PHKB: variants seen among roughly 807,000 people sequenced by gnomAD.
PHKB encodes phosphorylase b kinase regulatory subunit beta.
A neutral mutation model predicts 152.1 loss-of-function variants in PHKB; 122 were observed. That is an observed-to-expected ratio of 0.80 (90% CI 0.69 to 0.93). PHKB has a LOEUF of 0.93. Ranked by LOEUF, PHKB falls within the 40% of genes least tolerant of loss-of-function variation. The pLI, the probability that PHKB is intolerant of heterozygous loss-of-function variation, is 0.00. For synonymous variants in PHKB, 436 were observed against 464.9 expected (o/e 0.94, Z 0.80); for missense variants, 1,304 against 1,328.4 (o/e 0.98, Z 0.29).
intron 7 of PHKB, among the ~76,000 whole-genome samples, chr16:47,575,088 A>G (rs930710457): frequency 6.6e-6 from 1 of 152,208 alleles, no homozygotes; most frequent in Admixed American, 6.5e-5. Context: ...CAAATGGCCA[A>G]CAAGCATGTG....
intron 7 of PHKB, chr16:47,565,404 G>GGATTGCTGCTCTGTATCTGAGCTCT: frequency 8.5e-7 from 1 of 1,176,772 alleles, no homozygotes; most frequent in Non-Finnish European, 1.3e-6. Flanking sequence ...CCACTTGTAG[G>GGATTGCTGCTCTGTATCTGAGCTCT]GATTGCTGCT....
At chr16:47,657,900 A>C (rs1346378521) in intron 20 of PHKB, among the ~76,000 whole-genome samples, 1 of 152,102 alleles carries the variant, frequency 6.6e-6, no homozygotes, top group African/African-American at 2.4e-5. Flanking sequence ...ACCACTTCCC[A>C]TCACCTTCAG....
chr16:47,525,565 A>C (rs1970751911), intron 6 of PHKB, among the ~76,000 whole-genome samples: 1 of 152,210 alleles, frequency 6.6e-6, no homozygotes, highest in African/African-American at 2.4e-5. Context: ...CCTAGGGAAC[A>C]AGAGATGGAA....
chr16:47,534,206 C>T (rs1970912859), intron 6 of PHKB, among the ~76,000 whole-genome samples: 2 of 152,216 alleles, frequency 1.3e-5, no homozygotes, highest in Non-Finnish European at 2.9e-5. Context: ...TGGCCCACCG[C>T]TGCCATCACT....
chr16:47,653,440 G>C (rs902062486), intron 20 of PHKB, among the ~76,000 whole-genome samples: 9 of 152,220 alleles, frequency 5.9e-5, no homozygotes, highest in Admixed American at 5.9e-4. Flanking sequence ...GTCTTCCTAT[G>C]TGGAGCGTCT....
intron 1 of PHKB, among the ~76,000 whole-genome samples, chr16:47,491,858 T>TTTC (rs1237269897): frequency 1.3e-5 from 2 of 152,200 alleles, no homozygotes; most frequent in East Asian, 3.8e-4. Flanking sequence ...GCCCCGTGTT[T>TTTC]TTCCCAAGGA....
At chr16:47,563,872 C>A (rs1203489316) in intron 7 of PHKB, among the ~76,000 whole-genome samples, 1 of 152,070 alleles carries the variant, frequency 6.6e-6, no homozygotes, top group Non-Finnish European at 1.5e-5. Flanking sequence ...TTTGTGTACC[C>A]TTCATTTAGC....
At chr16:47,641,227 A>C in intron 15 of PHKB, 137 bp downstream of exon 15, 1 of 733,484 alleles carries the variant, frequency 1.4e-6, no homozygotes, top group Non-Finnish European at 2.4e-6. Flanking sequence ...CAAGGATATC[A>C]TTAATATCAC....
intron 7 of PHKB, among the ~76,000 whole-genome samples, chr16:47,552,942 C>T (rs1384304427): frequency 6.6e-6 from 1 of 152,152 alleles, no homozygotes; most frequent in African/African-American, 2.4e-5. Context: ...GGTAACCCAA[C>T]CTTTCTCTCT....
At chr16:47,502,917 C>T in intron 3 of PHKB, 74 bp from the exon 4 acceptor site, 4 of 922,270 alleles carry the variant, frequency 4.3e-6, no homozygotes, top group Middle Eastern at 2.1e-4. Flanking sequence ...TAGTTAAATA[C>T]TTAATTATCA....
intron 14 of PHKB, among the ~76,000 whole-genome samples, chr16:47,623,290 G>A (rs1464053606): frequency 6.6e-6 from 1 of 151,896 alleles, no homozygotes; most frequent in African/African-American, 2.4e-5. Flanking sequence ...TCATTAAAGA[G>A]ATGAGAAAAA....
rs781603142 is a variant in PHKB at position 47,663,729 on chromosome 16, AC to A, written c.2332del (p.Leu778PhefsTer19). ...TCTATAGAAGAGCTGGCAGCCAAAA[AC>A]TTTGGTTTGTATTAGTGTCCTTGTT... is the stretch of plus-strand genomic sequence containing the variant. ...RVYRRAGSQK[L>X]WLAVRYGAAF... On this transcript the variant is annotated frameshift_variant, in exon 24 of 31. Coordinates refer to ENST00000323584, the MANE Select transcript of PHKB (RefSeq NM_000293.3). LOFTEE classifies it high-confidence loss of function. The A allele has an allele frequency of 1.9e-6, 3 of 1,602,614 alleles. No individual in the cohort carries two copies. The South Asian group carries it at 3.3e-5, about 18-fold the overall frequency.
chr16:47,585,716 G>A (rs1296145165), intron 8 of PHKB, among the ~76,000 whole-genome samples: 2 of 152,126 alleles, frequency 1.3e-5, no homozygotes, highest in African/African-American at 4.8e-5. Flanking sequence ...TATTTCTTAG[G>A]TTGGCAGAGA....
intron 26 of PHKB, among the ~76,000 whole-genome samples, chr16:47,677,574 G>A (rs759575139): frequency 6.6e-6 from 1 of 152,026 alleles, no homozygotes; most frequent in Non-Finnish European, 1.5e-5. Flanking sequence ...GAGCTCTCTG[G>A]TATGTCTTCT....
intron 26 of PHKB, among the ~76,000 whole-genome samples, chr16:47,677,891 G>A (rs1973764163): frequency 1.3e-5 from 2 of 150,624 alleles, no homozygotes; most frequent in Admixed American, 6.6e-5. Flanking sequence ...TTAGCATTAG[G>A]TATATCTCCT....
intron 20 of PHKB, among the ~76,000 whole-genome samples, chr16:47,655,986 A>T (rs1156585054): frequency 6.6e-6 from 1 of 151,732 alleles, no homozygotes; most frequent in African/African-American, 2.4e-5. Context: ...GAAAGAGGTC[A>T]GTAGTTTTGT....
intron 20 of PHKB, among the ~76,000 whole-genome samples, chr16:47,659,435 A>G (rs1973398457): frequency 6.6e-6 from 1 of 152,230 alleles, no homozygotes. Context: ...TTAATAATTT[A>G]TGGCCTGCTT....
chr16:47,661,614 T>C, intron 22 of PHKB, 105 bp from the exon 23 acceptor site: 2 of 755,652 alleles, frequency 2.6e-6, no homozygotes, highest in South Asian at 2.8e-5. Flanking sequence ...AGTTACATAG[T>C]AAAGTGTTTC....
Position 47,464,121 on chromosome 16 carries a change from G to A in PHKB, c.76+2695G>A, listed in dbSNP as rs138690107. 1.4e-3 allele frequency: 987 copies of A among 719,386 alleles called. 2 individuals are homozygous for A. The highest frequency in any genetic ancestry group is 2.1e-3 in the Non-Finnish European group (824 of 395,792). The allele number at this position is 719,386 out of a possible 1,614,324, so 44.6% of individuals were successfully genotyped here. A position where few individuals can be genotyped will look rare whatever the true frequency, so the allele number is the denominator to read the frequency against. ...TTGGTGGGCCCAGGCCTGAGTACCC[G>A]GCTGGTGTTTTGTTTAACTTTGCAT... On this transcript the variant is annotated intron_variant, in intron 1 of 30. Coordinates refer to ENST00000323584, the MANE Select transcript of PHKB (RefSeq NM_000293.3).
Sources: gnomAD v4.1 joint callset for allele counts (sites outside exome capture counted in the v4.1 genomes callset) on GRCh38, gnomAD v4.1.1 for gene constraint, MANE v1.5 for transcripts, NCBI Gene and HGNC (gene_info 2026-07-23, HGNC 2026-07-21) for gene names.